Variants in VPS13A observed in about 807,000 individuals in gnomAD.
VPS13A encodes vacuolar protein sorting 13 homolog A.
A neutral mutation model predicts 390.9 loss-of-function variants in VPS13A; 264 were observed. That is an observed-to-expected ratio of 0.68 (90% CI 0.61 to 0.75). The LOEUF (loss-of-function observed/expected upper bound fraction) is 0.75. Ranked by LOEUF, VPS13A falls within the 30% of genes least tolerant of loss-of-function variation. The probability of loss-of-function intolerance (pLI) is 0.00; values close to 1 mark genes in which losing one functional copy is unlikely to be tolerated. For synonymous variants in VPS13A, 1,231 were observed against 1,227.1 expected (o/e 1.00, Z -0.07); for missense variants, 3,409 against 3,733.9 (o/e 0.91, Z 2.27).
chr9:77,184,726 T>TACACCA (rs1204894760), intron 1 of VPS13A, among the ~76,000 whole-genome samples: 1 of 152,220 alleles, frequency 6.6e-6, no homozygotes, highest in Non-Finnish European at 1.5e-5. Flanking sequence ...TGTGATACAT[T>TACACCA]ACATTAATTG....
In VPS13A at chr9:77,238,204, T is replaced by A. The variant is rs779560111; in HGVS notation, c.1785+13T>A. ...CATATATGATGCAGTAAGCATTTTT[T>A]TAAATTACTAAGTTTTAATATAATT... On this transcript the variant is annotated intron_variant, in intron 18 of 71. Coordinates refer to ENST00000360280, the MANE Select transcript of VPS13A (RefSeq NM_033305.3). 9.9e-6 allele frequency: 16 copies of A among 1,610,780 alleles called. No homozygotes were observed. The highest frequency in any genetic ancestry group is 1.7e-4 in the Middle Eastern group (1 of 6,050).
chr9:77,412,549 T>G (rs1336896122), intron 71 of VPS13A, among the ~76,000 whole-genome samples: 5 of 152,196 alleles, frequency 3.3e-5, no homozygotes, highest in African/African-American at 1.2e-4. Context: ...CAACAACCCT[T>G]CATCCTAAAA....
intron 9 of VPS13A, 74 bp from the exon 10 acceptor site, chr9:77,214,255 G>T: frequency 7.6e-7 from 1 of 1,318,478 alleles, no homozygotes; most frequent in South Asian, 1.2e-5. Flanking sequence ...CAGCCTGGGT[G>T]ACAGGGGGAG....
intron 9 of VPS13A, among the ~76,000 whole-genome samples, 160 bp from the exon 10 acceptor site, chr9:77,214,169 G>A (rs565485084): frequency 3.6e-4 from 55 of 152,086 alleles, no homozygotes; most frequent in African/African-American, 1.3e-3. Context: ...CCAGCCACTC[G>A]GGAGGCTGAG....
At chr9:77,224,525 G>A (rs916349475) in intron 13 of VPS13A, among the ~76,000 whole-genome samples, 3 of 152,168 alleles carry the variant, frequency 2.0e-5, no homozygotes, top group Non-Finnish European at 4.4e-5. Context: ...CAAGATTTCA[G>A]TGGAGAAAGT....
At position 77,403,308 on chromosome 9, in the gene VPS13A, A is replaced by G. The variant is rs1444318074; in HGVS notation, c.9262A>G (p.Met3088Val). Residue 3088 changes from methionine (M) to valine (V), a missense_variant, in exon 69 of 72, where the codon ATG becomes GTG. Met to Val is a conservative substitution (Grantham distance 21). Transcript: ENST00000360280. Reference protein sequence around the residue: ...HVMINKTDMLMITRRGVLFVT... With the variant: ...HVMINKTDMLVITRRGVLFVT... ...CATGATCAATAAGACAGATATGCTA[A>G]TGATAACCAGACGGTAACTTGCTTT... The G allele has an allele frequency of 1.2e-6, 2 of 1,611,454 alleles. No individual in the cohort carries two copies. The highest frequency in any genetic ancestry group is 2.7e-5 in the African/African-American group (2 of 74,890).
intron 2 of VPS13A, 114 bp from the exon 3 acceptor site, chr9:77,201,251 T>C: frequency 2.8e-6 from 2 of 707,448 alleles, no homozygotes; most frequent in Admixed American, 2.3e-5. Context: ...TAAGGAAATG[T>C]GTAAGTTTAT....
At chr9:77,360,844 A>C (rs753881876) in intron 59 of VPS13A, among the ~76,000 whole-genome samples, 23 of 152,076 alleles carry the variant, frequency 1.5e-4, no homozygotes, top group Non-Finnish European at 2.8e-4. Context: ...GCTTGGGGTG[A>C]ATAGCAGGGA....
chr9:77,371,017 T>A lies in VPS13A; in HGVS notation c.8954-9T>A. 6.2e-7 allele frequency: 1 copy of A among 1,614,184 alleles called. No homozygotes were observed. Among genetic ancestry groups the A allele is most frequent in the South Asian group, 1.1e-5 (1 of 91,086 alleles). On this transcript the variant is annotated splice_polypyrimidine_tract_variant and intron_variant, in intron 66 of 71. Coordinates refer to ENST00000360280, the MANE Select transcript of VPS13A (RefSeq NM_033305.3). ...GATGCAATTGTCAAAAACTCTTTTT[T>A]CTTTCCAGGAGCTCAAAAAGGAGGA...
At chr9:77,227,665 C>G (rs547399733) in intron 16 of VPS13A, among the ~76,000 whole-genome samples, 180 bp downstream of exon 16, 2 of 151,784 alleles carry the variant, frequency 1.3e-5, no homozygotes, top group African/African-American at 4.8e-5. Context: ...CACAGGCATG[C>G]ACCCTCATGC....
intron 19 of VPS13A, among the ~76,000 whole-genome samples, chr9:77,245,582 C>T (rs979312486): frequency 6.6e-6 from 1 of 152,138 alleles, no homozygotes; most frequent in Non-Finnish European, 1.5e-5. Context: ...ACCTTCCATC[C>T]TCATTTTAAG....
intron 34 of VPS13A, among the ~76,000 whole-genome samples, chr9:77,305,099 C>T (rs1032617607): frequency 4.6e-5 from 7 of 152,024 alleles, no homozygotes; most frequent in African/African-American, 7.2e-5. Context: ...CCACCGCGCC[C>T]GGCTAATTTT....
intron 68 of VPS13A, among the ~76,000 whole-genome samples, chr9:77,385,805 TTCTGAGTC>T (rs1179000174): frequency 6.6e-6 from 1 of 152,108 alleles, no homozygotes; most frequent in African/African-American, 2.4e-5. Flanking sequence ...AGCACATGAT[TTCTGAGTC>T]TCCTCTAATT....
At chr9:77,210,782 C>A in intron 7 of VPS13A, 107 bp downstream of exon 7, 6 of 1,148,186 alleles carry the variant, frequency 5.2e-6, no homozygotes, top group African/African-American at 1.5e-5. Context: ...CTATGTAGAA[C>A]GGGTGCACAA....
At chr9:77,189,975 T>G (rs949940032) in intron 1 of VPS13A, among the ~76,000 whole-genome samples, 1 of 152,210 alleles carries the variant, frequency 6.6e-6, no homozygotes, top group African/African-American at 2.4e-5. Flanking sequence ...TTGGTTGAAG[T>G]TATTAGTTCT....
chr9:77,406,424 T>C (rs1219451297), intron 70 of VPS13A, among the ~76,000 whole-genome samples: 1 of 151,886 alleles, frequency 6.6e-6, no homozygotes, highest in Admixed American at 6.6e-5. Flanking sequence ...GCAATCATTC[T>C]TTTTTTCTTT....
chr9:77,295,838 A>G lies in VPS13A; in HGVS notation c.3804A>G (p.Arg1268=), dbSNP rs527418139. 1 of 1,613,664 alleles carries G rather than the reference A, an allele frequency of 6.2e-7. No individual in the cohort carries two copies. Among genetic ancestry groups the G allele is most frequent in the Non-Finnish European group, 8.5e-7 (1 of 1,179,872 alleles). The change falls in exon 33 of 72, where the codon CGA becomes CGG. Residue 1268 remains arginine, a synonymous_variant. Coordinates refer to ENST00000360280, the MANE Select transcript of VPS13A (RefSeq NM_033305.3). The part of the protein sequence containing the change: ...DLITIKLSEM[R]LYRSRFINDA... Reference sequence around the variant, plus strand: ...TAACAATAAAGCTGAGTGAAATGCGACTATACAGGTAAGCTTTTCACAAGT... The same window carrying G: ...TAACAATAAAGCTGAGTGAAATGCGGCTATACAGGTAAGCTTTTCACAAGT...
intron 35 of VPS13A, among the ~76,000 whole-genome samples, chr9:77,310,692 C>T (rs1411501170): frequency 6.6e-6 from 1 of 151,942 alleles, no homozygotes; most frequent in Non-Finnish European, 1.5e-5. Context: ...ATGTTATGAA[C>T]TATGATAACT....
At position 77,359,402 on chromosome 9, in the gene VPS13A, A is replaced by G; in HGVS notation, c.8105A>G (p.Lys2702Arg). 6.2e-7 allele frequency: 1 copy of G among 1,609,258 alleles called. No homozygotes were observed. Among genetic ancestry groups the G allele is most frequent in the Non-Finnish European group, 8.5e-7 (1 of 1,175,896 alleles). Residue 2702 changes from lysine to arginine, a missense_variant and splice_region_variant, in exon 58 of 72, where the codon AAG (lysine) becomes AGG (arginine). By Grantham distance (26) the Lys-to-Arg change is conservative (BLOSUM62 2). Coordinates refer to ENST00000360280, the MANE Select transcript of VPS13A (RefSeq NM_033305.3). ...SAGHSQISRI[K>R]YFKVLIQEMD... is the part of the protein sequence containing the mutation. ...GGACATTCCCAGATATCACGTATTAAGTAAGTGTCTTAATACATTTCTTGT... is the reference window on the plus strand; with the variant it reads ...GGACATTCCCAGATATCACGTATTAGGTAAGTGTCTTAATACATTTCTTGT...
Sources: gnomAD v4.1 joint callset for allele counts (sites outside exome capture counted in the v4.1 genomes callset) on GRCh38, gnomAD v4.1.1 for gene constraint, MANE v1.5 for transcripts, NCBI Gene and HGNC (gene_info 2026-07-23, HGNC 2026-07-21) for gene names.